Variants in FBXL17 observed in about 807,000 individuals in gnomAD.
FBXL17 encodes F-box/LRR-repeat protein 17.
Under a neutral mutation model 66.2 loss-of-function variants are expected in FBXL17, and 22 were observed. That is an observed-to-expected ratio of 0.33 (90% CI 0.24 to 0.47). The LOEUF (loss-of-function observed/expected upper bound fraction) is 0.47. Ranked by LOEUF, FBXL17 falls within the 20% of genes least tolerant of loss-of-function variation. The pLI is 1.00. For missense variants in FBXL17, 878 were observed against 948.2 expected, an observed-to-expected ratio of 0.93 and a Z score of 0.97; for synonymous variants, 474 against 400.5, an observed-to-expected ratio of 1.18 and a Z score of -2.19.
At chr5:107,914,653 C>T (rs568865083) in intron 7 of FBXL17, among the ~76,000 whole-genome samples, 48 of 152,264 alleles carry the variant, frequency 3.2e-4, no homozygotes, top group African/African-American at 1.1e-3. Flanking sequence ...CAAGTGACCC[C>T]GGGACTTTTG....
intron 7 of FBXL17, among the ~76,000 whole-genome samples, chr5:107,912,073 T>C (rs1749966548): frequency 6.6e-6 from 1 of 152,128 alleles, no homozygotes. Context: ...GAGGGGAGTA[T>C]AAATCGATGT....
rs566422588 is a variant in FBXL17 at position 108,348,640 on chromosome 5, T to C, written c.1375-110A>G. 176 of 1,061,874 alleles carry C rather than the reference T, an allele frequency of 1.7e-4. 1 individual carries two copies. In the East Asian group the frequency reaches 3.9e-3, roughly 24 times the overall value. The allele number at this position is 1,061,874 out of a possible 1,614,324, so 65.8% of individuals were successfully genotyped here. On this transcript the variant is annotated intron_variant, in intron 3 of 8. Transcript: ENST00000542267. Reference sequence around the variant, plus strand: ...AATAACCACGTCAGAGTTAAATATTTATGTTACTTGTAAAATAAGATAGAA... The same window carrying C: ...AATAACCACGTCAGAGTTAAATATTCATGTTACTTGTAAAATAAGATAGAA...
At chr5:108,036,089 C>T (rs983857351) in intron 6 of FBXL17, among the ~76,000 whole-genome samples, 19 of 152,168 alleles carry the variant, frequency 1.2e-4, no homozygotes, top group East Asian at 3.9e-4. Context: ...GACTGCTGAC[C>T]GTACTGGCAC....
At chr5:108,198,052 A>T (rs1245654448) in intron 5 of FBXL17, among the ~76,000 whole-genome samples, 1 of 152,166 alleles carries the variant, frequency 6.6e-6, no homozygotes, top group East Asian at 1.9e-4. Flanking sequence ...CAGCTGAGCC[A>T]CCTGCAATCT....
intron 7 of FBXL17, among the ~76,000 whole-genome samples, chr5:107,936,330 A>G (rs551338111): frequency 6.6e-6 from 1 of 152,248 alleles, no homozygotes; most frequent in South Asian, 2.1e-4. Flanking sequence ...AAGGCAAGGT[A>G]TCAATTCTCT....
intron 4 of FBXL17, among the ~76,000 whole-genome samples, chr5:108,229,138 T>C (rs1267616023): frequency 3.3e-5 from 5 of 152,110 alleles, no homozygotes; most frequent in Non-Finnish European, 5.9e-5. Context: ...TCTATGAGCA[T>C]GGGATGTGCT....
chr5:108,054,261 GTCTT>G (rs1338910298), intron 6 of FBXL17, among the ~76,000 whole-genome samples: 2 of 148,838 alleles, frequency 1.3e-5, no homozygotes, highest in African/African-American at 4.9e-5. Flanking sequence ...AAAAAAAAAA[GTCTT>G]TATTTCTTCT....
intron 7 of FBXL17, among the ~76,000 whole-genome samples, chr5:107,952,728 G>C (rs1751536559): frequency 6.6e-6 from 1 of 152,170 alleles, no homozygotes; most frequent in South Asian, 2.1e-4. Context: ...TATTCAAACG[G>C]CATAAATGGC....
intron 8 of FBXL17, among the ~76,000 whole-genome samples, chr5:107,871,884 A>G (rs1035343140): frequency 6.6e-6 from 1 of 152,164 alleles, no homozygotes; most frequent in East Asian, 1.9e-4. Context: ...AAGCTGAAAA[A>G]CATAATTGAG....
intron 4 of FBXL17, among the ~76,000 whole-genome samples, chr5:108,294,638 A>G (rs769277772): frequency 2.0e-5 from 3 of 152,072 alleles, no homozygotes; most frequent in African/African-American, 7.2e-5. Flanking sequence ...TTCTCTTGAC[A>G]TTTGTATCCA....
chr5:107,869,140 C>T (rs901687910), intron 8 of FBXL17, among the ~76,000 whole-genome samples: 1 of 152,212 alleles, frequency 6.6e-6, no homozygotes, highest in Non-Finnish European at 1.5e-5. Flanking sequence ...TCACACTGGT[C>T]TGTCACTCTT....
intron 4 of FBXL17, among the ~76,000 whole-genome samples, chr5:108,241,975 G>A (rs1212788125): frequency 1.3e-5 from 2 of 152,108 alleles, no homozygotes; most frequent in Non-Finnish European, 2.9e-5. Flanking sequence ...GACAAAAGCT[G>A]AGGGATTTCA....
intron 8 of FBXL17, among the ~76,000 whole-genome samples, chr5:107,874,824 T>C (rs910385734): frequency 6.6e-6 from 1 of 152,126 alleles, no homozygotes; most frequent in Non-Finnish European, 1.5e-5. Flanking sequence ...CAGGAGAGGG[T>C]TGTAAAATGT....
At chr5:108,247,238 G>C (rs1756142819) in intron 4 of FBXL17, among the ~76,000 whole-genome samples, 1 of 152,082 alleles carries the variant, frequency 6.6e-6, no homozygotes, top group Admixed American at 6.6e-5. Flanking sequence ...TTCCCATTTG[G>C]TTCTACATAA....
At chr5:108,343,626 G>A (rs867443917) in intron 4 of FBXL17, among the ~76,000 whole-genome samples, 1 of 152,102 alleles carries the variant, frequency 6.6e-6, no homozygotes, top group Non-Finnish European at 1.5e-5. Context: ...GGAAATGGAA[G>A]CTTTCACATA....
rs999889217 is a variant in FBXL17 at position 108,340,524 on chromosome 5, G to C, written c.1506+7875C>G. Among the ~76,000 whole-genome samples the C allele has an allele frequency of 2.0e-5, 3 of 152,160 alleles. No individual in the cohort carries two copies. In the South Asian group the frequency reaches 6.2e-4, roughly 32 times the overall value. ...TTCTGACAAGAATTACATTCTAGTTGATCAGAACTGCATGTTGTTAATGAC... is the reference window on the plus strand; with the variant it reads ...TTCTGACAAGAATTACATTCTAGTTCATCAGAACTGCATGTTGTTAATGAC... On this transcript the variant is annotated intron_variant, in intron 4 of 8. Transcript: ENST00000542267.
chr5:108,108,972 T>C (rs940133907), intron 6 of FBXL17, among the ~76,000 whole-genome samples: 4 of 151,950 alleles, frequency 2.6e-5, no homozygotes, highest in Non-Finnish European at 4.4e-5. Context: ...TTAGTACAGA[T>C]GGGGTTCTCC....
At chr5:108,193,921 C>A (rs1753571755) in intron 5 of FBXL17, among the ~76,000 whole-genome samples, 1 of 152,102 alleles carries the variant, frequency 6.6e-6, no homozygotes. Flanking sequence ...ACATTATTCT[C>A]CATTTTATTC....
chr5:108,104,621 G>T (rs1036269902), intron 6 of FBXL17, among the ~76,000 whole-genome samples: 21 of 152,298 alleles, frequency 1.4e-4, no homozygotes, highest in African/African-American at 4.6e-4. Context: ...AATTGGACGA[G>T]TAAGACTAAT....
Sources: gnomAD v4.1 joint callset for allele counts (sites outside exome capture counted in the v4.1 genomes callset) on GRCh38, gnomAD v4.1.1 for gene constraint, MANE v1.5 for transcripts, NCBI Gene and HGNC (gene_info 2026-07-23, HGNC 2026-07-21) for gene names.